Variants in POLN observed in about 807,000 individuals in gnomAD.
POLN encodes the protein DNA polymerase N.
A neutral mutation model predicts 113.5 loss-of-function variants in POLN; 108 were observed. The observed-to-expected ratio is 0.95, with a 90% CI of 0.81 to 1.12. The LOEUF (loss-of-function observed/expected upper bound fraction) is 1.12. POLN is among the 50% of genes most tolerant of loss of function. The pLI is 0.00. For missense variants in POLN, 1,097 were observed against 1,077.1 expected, an observed-to-expected ratio of 1.02 and a Z score of -0.26; for synonymous variants, 386 against 391.5, an observed-to-expected ratio of 0.99 and a Z score of 0.17.
At chr4:2,172,309 AC>A (rs1210486754) in intron 11 of POLN, among the ~76,000 whole-genome samples, 5 of 152,236 alleles carry the variant, frequency 3.3e-5, no homozygotes, top group African/African-American at 1.2e-4. Flanking sequence ...ATCCTGGAAA[AC>A]AGCTAGATTT....
At chr4:2,171,321 G>A in intron 11 of POLN, 140 bp from the exon 12 acceptor site, 1 of 636,188 alleles carries the variant, frequency 1.6e-6, no homozygotes, top group Non-Finnish European at 2.6e-6. Context: ...GGGAGGCTGA[G>A]GCAGGAGGAT....
intron 7 of POLN, among the ~76,000 whole-genome samples, chr4:2,181,032 C>A (rs1360658850): frequency 6.6e-6 from 1 of 151,444 alleles, no homozygotes; most frequent in Non-Finnish European, 1.5e-5. Context: ...AAAAAGAAGA[C>A]ATTTCAGAAA....
At chr4:2,073,761 C>A (rs1018427109) in intron 24 of POLN, among the ~76,000 whole-genome samples, 1 of 152,232 alleles carries the variant, frequency 6.6e-6, no homozygotes, top group African/African-American at 2.4e-5. Flanking sequence ...AGCCCCAAGC[C>A]GTGGTGGGCG....
chr4:2,153,290 A>G (rs554222), intron 16 of POLN, among the ~76,000 whole-genome samples: 128,651 of 152,238 alleles, frequency 0.85, 55,451 homozygotes, highest in Non-Finnish European at 0.94. Context: ...TAAGTCAGAA[A>G]GAAAATATGG....
rs770796825 is a variant in POLN, at chr4:2,126,780, G to T, written c.1982+1333C>A. 6.6e-6 allele frequency among the ~76,000 whole-genome samples: 1 copy of T among 152,132 alleles called. No homozygotes were observed. The highest frequency in any genetic ancestry group is 1.5e-5 in the Non-Finnish European group (1 of 68,006). On this transcript the variant is annotated intron_variant, in intron 19 of 25. Coordinates refer to ENST00000511885, the MANE Select transcript of POLN (RefSeq NM_181808.4). This position sits in a 1 kb window ranked among gnomAD's most constrained non-coding sequence, Gnocchi z 4.6. Reference sequence around the variant, plus strand: ...AAGAGCTTCCTGAGCCCCAGGACAGGAAAGGCCAGAGTGAGGCGGGTAACT... The same window carrying T: ...AAGAGCTTCCTGAGCCCCAGGACAGTAAAGGCCAGAGTGAGGCGGGTAACT...
At chr4:2,146,716 C>T (rs375653863) in intron 16 of POLN, among the ~76,000 whole-genome samples, 10 of 152,134 alleles carry the variant, frequency 6.6e-5, no homozygotes, top group South Asian at 2.1e-4. Context: ...GAAGAACTAA[C>T]GGGCAGCAGC....
intron 5 of POLN, among the ~76,000 whole-genome samples, chr4:2,207,156 C>T (rs544896310): frequency 2.0e-5 from 3 of 152,192 alleles, no homozygotes; most frequent in East Asian, 3.9e-4. Context: ...GAATGGAAAA[C>T]GAAACATTGT....
At chr4:2,229,034 T>C (rs2108773785) in intron 3 of POLN, 65 bp downstream of exon 3, 1 of 1,464,852 alleles carries the variant, frequency 6.8e-7, no homozygotes, top group Non-Finnish European at 9.3e-7. Flanking sequence ...TTTTCAATTC[T>C]TAGTCTTTAG....
chr4:2,126,535 G>A lies in POLN; in HGVS notation c.1982+1578C>T, dbSNP rs1380457709. 6.6e-6 allele frequency among the ~76,000 whole-genome samples: 1 copy of A among 152,212 alleles called. No individual in the cohort carries two copies. The highest frequency in any genetic ancestry group is 2.4e-5 in the African/African-American group (1 of 41,456). On this transcript the variant is annotated intron_variant, in intron 19 of 25. Coordinates refer to ENST00000511885, the MANE Select transcript of POLN (RefSeq NM_181808.4). This position sits in a 1 kb window ranked among gnomAD's most constrained non-coding sequence, Gnocchi z 4.6. The stretch of plus-strand genomic sequence containing the variant: ...GGATGGACAGTAGAGCAATACATGG[G>A]AATGTGCATCGGACCAGAGAGGAGC...
chr4:2,116,633 G>C lies in POLN; in HGVS notation c.1982+11480C>G, dbSNP rs1731324985. ...TGTGCATACAGAGAAAGATGTAGGG[G>C]AACTCTTGTTGCCTTGCAAGGGCAA... is the stretch of plus-strand genomic sequence containing the variant. On this transcript the variant is annotated intron_variant, in intron 19 of 25. Transcript: ENST00000511885. Among the ~76,000 whole-genome samples, 5 of 151,666 alleles carry C rather than the reference G, an allele frequency of 3.3e-5. No individual in the cohort carries two copies. In the South Asian group the frequency reaches 8.3e-4, roughly 25 times the overall value.
At chr4:2,120,676 G>A (rs1244155836) in intron 19 of POLN, among the ~76,000 whole-genome samples, 2 of 152,050 alleles carry the variant, frequency 1.3e-5, no homozygotes, top group Non-Finnish European at 2.9e-5. Context: ...TGTATTTTTA[G>A]TAGAGATGGG....
chr4:2,129,289 T>C (rs1731663580), intron 17 of POLN, 33 bp from the exon 18 acceptor site: 1 of 1,457,374 alleles, frequency 6.9e-7, no homozygotes, highest in African/African-American at 1.4e-5. Flanking sequence ...TTTAGTGAAT[T>C]TGGTCATGAA....
At chr4:2,090,523 A>T in intron 20 of POLN, 1 of 502,782 alleles carries the variant, frequency 2.0e-6, no homozygotes, top group Non-Finnish European at 3.7e-6. Flanking sequence ...TGATAGCAAA[A>T]TACAAGAATC....
At chr4:2,167,577 CTG>C (rs1474563762) in intron 13 of POLN, among the ~76,000 whole-genome samples, 2 of 152,160 alleles carry the variant, frequency 1.3e-5, no homozygotes, top group Non-Finnish European at 2.9e-5. Context: ...ATTGCATAGA[CTG>C]TGTTCTCTTA....
At chr4:2,147,169 C>T (rs1201713746) in intron 16 of POLN, among the ~76,000 whole-genome samples, 2 of 152,090 alleles carry the variant, frequency 1.3e-5, no homozygotes, top group Non-Finnish European at 2.9e-5. Context: ...TTTTGAATTA[C>T]ATAATGTTGA....
rs146676387 is a variant in POLN at position 2,081,679 on chromosome 4, T to C, written c.2262A>G (p.Gln754=). 7 of 1,614,036 alleles carry C rather than the reference T, an allele frequency of 4.3e-6. No homozygotes were observed. Among genetic ancestry groups the C allele is most frequent in the East Asian group, 2.2e-5 (1 of 44,876 alleles). Residue 754 remains glutamine, a synonymous_variant, in exon 22 of 26, where the codon CAA becomes CAG. Transcript: ENST00000511885. The part of the protein sequence containing the change: ...PLPRIHAHDQ[Q]LRAQAERQAV... The stretch of plus-strand genomic sequence containing the variant: ...CCTGTCGCTCTGCTTGTGCCCGGAG[T>C]TGCTGGTCATGAGCGTGAATCCTTG...
intron 16 of POLN, chr4:2,140,925 T>C (rs1332197742): frequency 6.6e-6 from 1 of 152,326 alleles, no homozygotes; most frequent in Admixed American, 6.5e-5. Context: ...AGGGAGACAC[T>C]TGCCAAGGCA....
intron 20 of POLN, among the ~76,000 whole-genome samples, chr4:2,094,849 G>T (rs891766181): frequency 6.6e-6 from 1 of 152,154 alleles, no homozygotes; most frequent in Non-Finnish European, 1.5e-5. Context: ...TCTACTATGT[G>T]CTTGCCCCGT....
At position 2,171,079 on chromosome 4, in the gene POLN, A is replaced by G; in HGVS notation, c.1458+19T>C. The G allele has an allele frequency of 1.9e-6, 3 of 1,592,242 alleles. No individual in the cohort carries two copies. The highest frequency in any genetic ancestry group is 2.6e-6 in the Non-Finnish European group (3 of 1,167,074). On this transcript the variant is annotated intron_variant, in intron 12 of 25. Transcript: ENST00000511885. ...GAATAAGAAATACATTTTATGAAAG[A>G]ACCAAAATTCAGCTTTACCTCTCGA...
Sources: gnomAD v4.1 joint callset for allele counts (sites outside exome capture counted in the v4.1 genomes callset) on GRCh38, gnomAD v4.1.1 for gene constraint, Gnocchi (gnomAD v3.1) non-coding constraint, MANE v1.5 for transcripts, NCBI Gene and HGNC (gene_info 2026-07-23, HGNC 2026-07-21) for gene names.